NINL: variants seen among roughly 807,000 people sequenced by gnomAD.
NINL encodes ninein like.
Under a neutral mutation model 160.3 loss-of-function variants are expected in NINL, and 153 were observed. The ratio of observed to expected loss-of-function variants is 0.95; its 90% CI spans 0.84 to 1.09. NINL has a LOEUF of 1.09. Ranked by LOEUF, NINL falls within the 50% of genes least tolerant of loss-of-function variation. The probability of loss-of-function intolerance (pLI) is 0.00; values close to 1 mark genes in which losing one functional copy is unlikely to be tolerated. For synonymous variants in NINL, 800 were observed against 734.8 expected (o/e 1.09, Z -1.43); for missense variants, 1,829 against 1,764.0 (o/e 1.04, Z -0.66).
At position 25,486,950 on chromosome 20, in the gene NINL, T is replaced by G. The variant is rs1382488931; in HGVS notation, c.1677+2294A>C. On this transcript the variant is annotated intron_variant, in intron 13 of 23. Coordinates refer to ENST00000278886, the MANE Select transcript of NINL (RefSeq NM_025176.6). ...TAATACCTGCTCAAATTTCAAATCC[T>G]GTGAAATTACTTCACATCGATTGCT... is the stretch of plus-strand genomic sequence containing the variant. Among the ~76,000 whole-genome samples, 3 of 152,242 alleles carry G rather than the reference T, an allele frequency of 2.0e-5. No individual in the cohort carries two copies. The East Asian group carries it at 5.8e-4, about 29-fold the overall frequency.
intron 17 of NINL, among the ~76,000 whole-genome samples, chr20:25,470,384 G>T (rs1007031282): frequency 6.6e-6 from 1 of 152,230 alleles, no homozygotes; most frequent in Non-Finnish European, 1.5e-5. Flanking sequence ...GTTTATAGCT[G>T]AACTGCTCCT....
At chr20:25,535,126 C>A (rs868196628) in intron 1 of NINL, among the ~76,000 whole-genome samples, 1 of 152,166 alleles carries the variant, frequency 6.6e-6, no homozygotes, top group Non-Finnish European at 1.5e-5. Context: ...AACATGGATA[C>A]GCCTAGAGGA....
chr20:25,484,435 T>A (rs1336315994), intron 13 of NINL, among the ~76,000 whole-genome samples: 1 of 152,098 alleles, frequency 6.6e-6, no homozygotes, highest in Non-Finnish European at 1.5e-5. Context: ...AATGGCAGAT[T>A]GTGGGCAGGT....
At chr20:25,480,924 G>A (rs1002458384) in intron 14 of NINL, among the ~76,000 whole-genome samples, 4 of 152,126 alleles carry the variant, frequency 2.6e-5, no homozygotes, top group Admixed American at 6.5e-5. Context: ...ATGGGTGGCC[G>A]GTGGGGTCTT....
At chr20:25,469,598 T>C (rs1353804621) in intron 18 of NINL, among the ~76,000 whole-genome samples, 3 of 151,844 alleles carry the variant, frequency 2.0e-5, no homozygotes, top group Non-Finnish European at 4.4e-5. Flanking sequence ...GCTGAAGCTG[T>C]TATCAGGAGA....
chr20:25,566,566 A>G (rs557669070), intron 1 of NINL, among the ~76,000 whole-genome samples: 2 of 152,330 alleles, frequency 1.3e-5, no homozygotes, highest in East Asian at 3.9e-4. Context: ...AACATACAAA[A>G]AGATGAGTAA....
intron 1 of NINL, among the ~76,000 whole-genome samples, chr20:25,568,006 C>T (rs117361176): frequency 0.015 from 2,253 of 151,736 alleles, 30 homozygotes; most frequent in South Asian, 0.022. Context: ...ATTTCAGCTT[C>T]CAGCTCAAGT....
Position 25,517,735 on chromosome 20 carries a change from C to G in NINL, c.277+18G>C. The G allele has an allele frequency of 6.5e-7, 1 of 1,528,390 alleles. No homozygotes were observed. Among genetic ancestry groups the G allele is most frequent in the Admixed American group, 2.0e-5 (1 of 48,912 alleles). The allele number at this position is 1,528,390 out of a possible 1,614,324, so 94.7% of individuals were successfully genotyped here. A position where few individuals can be genotyped will look rare whatever the true frequency, so the allele number is the denominator to read the frequency against. ...ACAAACAAATAATGAAAAGAAAACA[C>G]AGAGGAAATCCTCTTACCTGATTCC... On this transcript the variant is annotated intron_variant, in intron 3 of 23. Coordinates refer to ENST00000278886, the MANE Select transcript of NINL (RefSeq NM_025176.6).
intron 19 of NINL, among the ~76,000 whole-genome samples, chr20:25,465,709 T>C (rs941004956): frequency 6.6e-6 from 1 of 152,150 alleles, no homozygotes; most frequent in Non-Finnish European, 1.5e-5. Flanking sequence ...ACAGGTGCCA[T>C]GAATGCACTC....
intron 18 of NINL, among the ~76,000 whole-genome samples, chr20:25,468,775 G>A (rs1198476767): frequency 0.011 from 1,266 of 119,104 alleles, 50 homozygotes; most frequent in African/African-American, 0.042. Flanking sequence ...ACTGGTGGGC[G>A]CCCGCTTGCC....
At chr20:25,475,915 C>A (rs1418478736) in intron 17 of NINL, 128 bp downstream of exon 17, 4 of 940,744 alleles carry the variant, frequency 4.3e-6, no homozygotes, top group Non-Finnish European at 6.4e-6. Flanking sequence ...GGCTACACAG[C>A]CCCCATCAGG....
chr20:25,573,333 G>T (rs915941441), intron 1 of NINL, among the ~76,000 whole-genome samples: 17 of 151,778 alleles, frequency 1.1e-4, no homozygotes, highest in African/African-American at 3.6e-4. Context: ...AAATAACATA[G>T]CCTATAAAAT....
chr20:25,481,945 C>T, intron 14 of NINL, 23 bp downstream of exon 14: 4 of 1,592,176 alleles, frequency 2.5e-6, no homozygotes, highest in Non-Finnish European at 3.4e-6. Flanking sequence ...TGGGTCAGCC[C>T]CCTCCCAGGG....
chr20:25,474,444 A>C (rs1309658066), intron 17 of NINL, among the ~76,000 whole-genome samples: 2 of 152,226 alleles, frequency 1.3e-5, no homozygotes, highest in Non-Finnish European at 2.9e-5. Flanking sequence ...AGTGTCAGCA[A>C]CCGGGTCTCT....
At chr20:25,580,982 G>A (rs868011040) in intron 1 of NINL, among the ~76,000 whole-genome samples, 9 of 152,242 alleles carry the variant, frequency 5.9e-5, no homozygotes, top group Non-Finnish European at 1.0e-4. Flanking sequence ...TGGCCACAGC[G>A]CTGGAAATGC....
chr20:25,523,783 C>T (rs1309113079), intron 2 of NINL, among the ~76,000 whole-genome samples: 2 of 149,520 alleles, frequency 1.3e-5, no homozygotes, highest in African/African-American at 5.1e-5. Context: ...GCTGGGATTA[C>T]AGGTGCGTGC....
intron 1 of NINL, among the ~76,000 whole-genome samples, chr20:25,543,168 CACACACACCCCCCTCCCAAA>C: frequency 6.6e-6 from 1 of 152,172 alleles, no homozygotes; most frequent in East Asian, 1.9e-4. Flanking sequence ...ATTACACAGA[CACACACACCCCCCTCCCAAA>C]TACCCACCCA....
chr20:25,454,235 CAG>C (rs990906324), intron 23 of NINL, among the ~76,000 whole-genome samples: 1 of 152,168 alleles, frequency 6.6e-6, no homozygotes, highest in Non-Finnish European at 1.5e-5. Flanking sequence ...CTGGGACGGT[CAG>C]AGTGTGGAAC....
In NINL at chr20:25,561,429, G is replaced by C. The variant is rs190059364; in HGVS notation, c.-12+24026C>G. ...CTGCCTTGGCCCCCCAAAGTGCCGA[G>C]ATTGCAGCCTCTGCCCGGCCGCTAC... is the stretch of plus-strand genomic sequence containing the variant. On this transcript the variant is annotated intron_variant, in intron 1 of 23. Coordinates refer to ENST00000278886, the MANE Select transcript of NINL (RefSeq NM_025176.6). Among the ~76,000 whole-genome samples, 1,302 of 152,350 alleles carry C rather than the reference G, an allele frequency of 8.5e-3. 17 individuals are homozygous for C. The highest frequency in any genetic ancestry group is 0.029 in the African/African-American group (1,224 of 41,582).
Sources: gnomAD v4.1 joint callset for allele counts (sites outside exome capture counted in the v4.1 genomes callset) on GRCh38, gnomAD v4.1.1 for gene constraint, MANE v1.5 for transcripts, NCBI Gene and HGNC (gene_info 2026-07-23, HGNC 2026-07-21) for gene names.